The following PHACTR1 variants were observed in gnomAD, a reference collection of about 807,000 sequenced individuals.
PHACTR1 encodes the protein RPEL repeat containing 1.
Under a neutral mutation model 69.2 loss-of-function variants are expected in PHACTR1, and 16 were observed. The observed-to-expected ratio is 0.23, with a 90% CI of 0.16 to 0.35. The LOEUF (loss-of-function observed/expected upper bound fraction) is 0.35, where lower values mean the gene tolerates loss of function less well. Ranked by LOEUF, PHACTR1 falls within the 10% of genes least tolerant of loss-of-function variation. PHACTR1 has a pLI of 1.00. For synonymous variants in PHACTR1, 312 were observed against 284.5 expected, an observed-to-expected ratio of 1.10 and a Z score of -0.97; for missense variants, 510 against 734.7, an observed-to-expected ratio of 0.69 and a Z score of 3.54.
chr6:12,742,715 C>T (rs1031958536), intron 3 of PHACTR1, among the ~76,000 whole-genome samples: 4 of 152,084 alleles, frequency 2.6e-5, no homozygotes, highest in Non-Finnish European at 5.9e-5. Flanking sequence ...AAAGATCCAG[C>T]TTCCATAACT....
intron 4 of PHACTR1, among the ~76,000 whole-genome samples, chr6:12,754,890 T>G (rs1767110835): frequency 6.6e-6 from 1 of 152,258 alleles, no homozygotes; most frequent in Non-Finnish European, 1.5e-5. Context: ...CAGGAGGATG[T>G]GCTTAGGTTA....
chr6:12,774,312 C>A (rs193124421), intron 4 of PHACTR1, among the ~76,000 whole-genome samples: 2 of 152,050 alleles, frequency 1.3e-5, no homozygotes, highest in African/African-American at 4.8e-5. Context: ...AACCTAGAGG[C>A]GTGTATTTCA....
chr6:13,260,557 T>G (rs1562083750), intron 10 of PHACTR1, among the ~76,000 whole-genome samples: 1 of 152,134 alleles, frequency 6.6e-6, no homozygotes, highest in Admixed American at 6.5e-5. Context: ...GGACTGGCAG[T>G]TAAAGTATTC....
intron 4 of PHACTR1, among the ~76,000 whole-genome samples, chr6:12,888,781 T>A (rs1181287663): frequency 1.3e-5 from 2 of 152,228 alleles, no homozygotes; most frequent in Non-Finnish European, 2.9e-5. Flanking sequence ...ACGTTATATG[T>A]GTGCTTGGTG....
chr6:13,211,261 C>G (rs1766798924), intron 8 of PHACTR1, among the ~76,000 whole-genome samples: 2 of 152,076 alleles, frequency 1.3e-5, no homozygotes. Flanking sequence ...TCTTTTATCC[C>G]TCACCAGCCT....
At chr6:12,943,073 CATAGCAGCGTTACTCACA>C (rs1790214097) in intron 4 of PHACTR1, among the ~76,000 whole-genome samples, 2 of 152,178 alleles carry the variant, frequency 1.3e-5, no homozygotes, top group Admixed American at 6.5e-5. Context: ...CAGGAATGTT[CATAGCAGCGTTACTCACA>C]ATAGCCAAAA....
chr6:12,978,840 A>C (rs1224938997), intron 4 of PHACTR1, among the ~76,000 whole-genome samples: 1 of 152,240 alleles, frequency 6.6e-6, no homozygotes, highest in Non-Finnish European at 1.5e-5. Context: ...CTAACAAGTT[A>C]TGAAACTCAA....
intron 4 of PHACTR1, among the ~76,000 whole-genome samples, chr6:12,872,489 C>T (rs1487986023): frequency 6.6e-6 from 1 of 152,100 alleles, no homozygotes; most frequent in Non-Finnish European, 1.5e-5. Flanking sequence ...TGCCTTTTCA[C>T]TTCTTTGCTC....
chr6:13,214,277 CCT>C (rs1228854549), intron 8 of PHACTR1: 8 of 151,686 alleles, frequency 5.3e-5, no homozygotes, highest in Non-Finnish European at 8.8e-5. Flanking sequence ...TCCTGCTTCC[CCT>C]GTTGGGCCAT....
intron 4 of PHACTR1, among the ~76,000 whole-genome samples, chr6:12,959,176 CAAAAAAAA>C (rs70989814): frequency 4.3e-5 from 2 of 46,258 alleles, no homozygotes; most frequent in Non-Finnish European, 7.7e-5. Context: ...GACTTTATCT[CAAAAAAAA>C]AAAAAAAAAA....
At chr6:13,287,025 C>A in intron 14 of PHACTR1, 38 bp from the exon 15 acceptor site, 2 of 1,601,692 alleles carry the variant, frequency 1.2e-6, no homozygotes, top group Non-Finnish European at 8.5e-7. Context: ...GCACCTTTGG[C>A]AGCCCCTTGG....
intron 4 of PHACTR1, among the ~76,000 whole-genome samples, chr6:12,753,970 ATT>A (rs1193950496): frequency 1.5e-4 from 20 of 134,504 alleles, no homozygotes; most frequent in South Asian, 7.3e-4. Context: ...ATATATATAT[ATT>A]TTTTTTTTGA....
chr6:12,963,852 G>C (rs555998576), intron 4 of PHACTR1, among the ~76,000 whole-genome samples: 173 of 152,200 alleles, frequency 1.1e-3, no homozygotes, highest in Non-Finnish European at 1.8e-3. Context: ...ATGTAATTCA[G>C]AGTATGTTGG....
chr6:12,726,978 A>C (rs999104592), intron 3 of PHACTR1, among the ~76,000 whole-genome samples: 2 of 152,018 alleles, frequency 1.3e-5, no homozygotes, highest in Admixed American at 6.6e-5. Flanking sequence ...TATTGTTTCC[A>C]GTCTTGGTGC....
intron 6 of PHACTR1, among the ~76,000 whole-genome samples, chr6:13,182,045 C>G (rs1482138836): frequency 2.0e-5 from 3 of 152,088 alleles, no homozygotes; most frequent in African/African-American, 7.2e-5. Flanking sequence ...ACCAGCCTGA[C>G]CAACATGGAG....
intron 4 of PHACTR1, 59 bp downstream of exon 4, chr6:12,749,849 G>A: frequency 7.0e-7 from 1 of 1,430,692 alleles, no homozygotes; most frequent in Non-Finnish European, 9.2e-7. Context: ...CTCCCCGGCT[G>A]TTGAGCCCCC....
At chr6:13,276,861 G>A (rs1022486677) in intron 11 of PHACTR1, among the ~76,000 whole-genome samples, 1 of 152,296 alleles carries the variant, frequency 6.6e-6, no homozygotes, top group East Asian at 1.9e-4. Context: ...AATTGCATGT[G>A]TGCACCAATA....
chr6:12,894,801 G>A (rs1041957915), intron 4 of PHACTR1, among the ~76,000 whole-genome samples: 2 of 151,910 alleles, frequency 1.3e-5, no homozygotes, highest in African/African-American at 4.8e-5. Context: ...TAAAAGCCCA[G>A]CATAGAAAAA....
At chr6:12,926,512 A>T (rs1788280254) in intron 4 of PHACTR1, among the ~76,000 whole-genome samples, 1 of 152,054 alleles carries the variant, frequency 6.6e-6, no homozygotes. Flanking sequence ...TTTTTCTCCC[A>T]ACTTGTGTTA....
Sources: gnomAD v4.1 joint callset for allele counts (sites outside exome capture counted in the v4.1 genomes callset) on GRCh38, gnomAD v4.1.1 for gene constraint, MANE v1.5 for transcripts, NCBI Gene and HGNC (gene_info 2026-07-23, HGNC 2026-07-21) for gene names.